The following RASAL2 variants were observed in gnomAD, a reference collection of about 807,000 sequenced individuals.
RASAL2 encodes ras GTPase-activating protein nGAP.
Under a neutral mutation model 128.9 loss-of-function variants are expected in RASAL2, and 58 were observed. That is an observed-to-expected ratio of 0.45 (90% CI 0.36 to 0.56). The LOEUF (loss-of-function observed/expected upper bound fraction) is 0.56. RASAL2 is among the 20% of genes least tolerant of loss of function. The pLI is 0.00. For missense variants in RASAL2, 1,360 were observed against 1,601.6 expected (o/e 0.85, Z 2.57); for synonymous variants, 561 against 580.8 (o/e 0.97, Z 0.49).
intron 1 of RASAL2, among the ~76,000 whole-genome samples, chr1:178,141,597 C>T (rs575280021): frequency 6.6e-5 from 10 of 152,016 alleles, no homozygotes; most frequent in South Asian, 6.2e-4. Flanking sequence ...GGTTGGCCGT[C>T]GACTGCTCCA....
intron 3 of RASAL2, among the ~76,000 whole-genome samples, chr1:178,356,082 C>T (rs1386943855): frequency 2.0e-5 from 3 of 150,276 alleles, no homozygotes; most frequent in South Asian, 2.1e-4. Flanking sequence ...GGCAGAGAAT[C>T]GCTTGAACCC....
intron 1 of RASAL2, among the ~76,000 whole-genome samples, chr1:178,272,624 T>C (rs1476596781): frequency 6.6e-6 from 1 of 152,158 alleles, no homozygotes; most frequent in East Asian, 1.9e-4. Flanking sequence ...TATTTTCTTT[T>C]CTCAATTAAA....
At chr1:178,237,301 C>T (rs1402536518) in intron 1 of RASAL2, among the ~76,000 whole-genome samples, 3 of 151,928 alleles carry the variant, frequency 2.0e-5, no homozygotes, top group Non-Finnish European at 2.9e-5. Flanking sequence ...TTGAGAGCAT[C>T]GCTTCAAGCA....
chr1:178,319,849 C>T (rs1368813162), intron 3 of RASAL2, among the ~76,000 whole-genome samples: 3 of 152,222 alleles, frequency 2.0e-5, no homozygotes, highest in Admixed American at 6.5e-5. Context: ...AACTGCGTTC[C>T]TTTGGAGGAG....
intron 1 of RASAL2, among the ~76,000 whole-genome samples, chr1:178,199,912 G>A (rs918338051): frequency 1.3e-5 from 2 of 152,300 alleles, no homozygotes; most frequent in Non-Finnish European, 1.5e-5. Flanking sequence ...AAAACAGGCA[G>A]AAGATCGTGG....
chr1:178,387,424 G>A (rs1359847107), intron 3 of RASAL2, among the ~76,000 whole-genome samples: 1 of 151,780 alleles, frequency 6.6e-6, no homozygotes, highest in Non-Finnish European at 1.5e-5. Context: ...TGCACCATGT[G>A]CAGGTTTGTT....
chr1:178,247,968 TGAG>T lies in RASAL2; in HGVS notation c.203-35592_203-35590del, dbSNP rs776547744. On this transcript the variant is annotated intron_variant, in intron 1 of 17. Coordinates refer to ENST00000367649, the MANE Select transcript of RASAL2 (RefSeq NM_170692.4). ...ATGATTTCCATTCTTTTGCATTTAC[TGAG>T]GAGTGTTTTACTTCCAATTATGTGG... Among the ~76,000 whole-genome samples the T allele has an allele frequency of 6.6e-5, 10 of 152,332 alleles. No homozygotes were observed. The East Asian group carries it at 1.9e-3, about 29-fold the overall frequency.
chr1:178,196,317 A>G (rs1225440144), intron 1 of RASAL2, among the ~76,000 whole-genome samples: 1 of 152,214 alleles, frequency 6.6e-6, no homozygotes, highest in Non-Finnish European at 1.5e-5. Flanking sequence ...GGAAAAGTCA[A>G]GGTACAAAGT....
intron 3 of RASAL2, among the ~76,000 whole-genome samples, chr1:178,301,575 G>A (rs1490446281): frequency 6.6e-6 from 1 of 151,940 alleles, no homozygotes; most frequent in Admixed American, 6.6e-5. Flanking sequence ...TGGGATTACA[G>A]GCATGCACCA....
At position 178,299,988 on chromosome 1, in the gene RASAL2, C is replaced by G; in HGVS notation, c.331-4C>G. ...AGTTTTATCTTTTGCTTTTGATTAA[C>G]TAGATACCTGTGGAAGGGGGACAGG... On this transcript the variant is annotated splice_region_variant and splice_polypyrimidine_tract_variant and intron_variant, in intron 2 of 17. Transcript: ENST00000367649. 1 of 1,612,334 alleles carries G rather than the reference C, an allele frequency of 6.2e-7. No homozygotes were observed. Among genetic ancestry groups the G allele is most frequent in the Non-Finnish European group, 8.5e-7 (1 of 1,179,522 alleles).
At position 178,094,559 on chromosome 1, in the gene RASAL2, C is replaced by T. The variant is rs1658598880; in HGVS notation, c.67C>T (p.Leu23=). Residue 23 remains leucine, a synonymous_variant, in exon 1 of 18, where the codon CTG becomes TTG. Coordinates refer to ENST00000367649, the MANE Select transcript of RASAL2 (RefSeq NM_170692.4). ...GTCCTGGCCGGAGATGTTCCCGGCG[C>T]TGGAGTCCGACTCGCCGCTGCCCCC... is the stretch of plus-strand genomic sequence containing the variant. ...ALSWPEMFPA[L]ESDSPLPPED... is the part of the protein sequence containing the mutation. The T allele has an allele frequency of 6.3e-7, 1 of 1,595,602 alleles. No individual in the cohort carries two copies. Among genetic ancestry groups the T allele is most frequent in the African/African-American group, 1.3e-5 (1 of 74,468 alleles).
chr1:178,144,808 T>C (rs1395936439), intron 1 of RASAL2, among the ~76,000 whole-genome samples: 1 of 152,204 alleles, frequency 6.6e-6, no homozygotes, highest in Non-Finnish European at 1.5e-5. Flanking sequence ...TTCTAGGAGA[T>C]TTGCCCATGG....
chr1:178,266,660 C>A (rs1017306597), intron 1 of RASAL2, among the ~76,000 whole-genome samples: 1 of 152,140 alleles, frequency 6.6e-6, no homozygotes, highest in East Asian at 1.9e-4. Flanking sequence ...AGGGAGGGGG[C>A]CTCCAAAGCT....
intron 1 of RASAL2, among the ~76,000 whole-genome samples, chr1:178,208,613 C>T (rs1663143820): frequency 6.6e-6 from 1 of 152,138 alleles, no homozygotes; most frequent in African/African-American, 2.4e-5. Context: ...TGCTTTTGCC[C>T]TTTGACCTGT....
At chr1:178,335,683 T>C (rs1669551846) in intron 3 of RASAL2, among the ~76,000 whole-genome samples, 1 of 152,170 alleles carries the variant, frequency 6.6e-6, no homozygotes, top group African/African-American at 2.4e-5. Context: ...CCTCTCAGAT[T>C]CTGAGTGATA....
rs138707274 is a variant in RASAL2 at position 178,310,740 on chromosome 1, G to A, written c.457+10622G>A. On this transcript the variant is annotated intron_variant, in intron 3 of 17. Coordinates refer to ENST00000367649, the MANE Select transcript of RASAL2 (RefSeq NM_170692.4). Reference sequence around the variant, plus strand: ...CTTCTGTGAAGGTGGCTCCAAGGCAGTGCTGCCACTTATGGTTGCTCAAAC... The same window carrying A: ...CTTCTGTGAAGGTGGCTCCAAGGCAATGCTGCCACTTATGGTTGCTCAAAC... 3.9e-5 allele frequency among the ~76,000 whole-genome samples: 6 copies of A among 152,290 alleles called. No individual in the cohort carries two copies. The East Asian group carries it at 1.2e-3, about 29-fold the overall frequency.
At chr1:178,270,425 C>T (rs1041492279) in intron 1 of RASAL2, among the ~76,000 whole-genome samples, 6 of 151,796 alleles carry the variant, frequency 4.0e-5, no homozygotes, top group African/African-American at 9.7e-5. Flanking sequence ...TATATTACTG[C>T]ATTTTTTTCA....
intron 1 of RASAL2, among the ~76,000 whole-genome samples, chr1:178,279,865 T>C (rs1666700734): frequency 6.6e-6 from 1 of 152,128 alleles, no homozygotes; most frequent in South Asian, 2.1e-4. Flanking sequence ...ATCAAAACTT[T>C]TCTGAAGATT....
chr1:178,456,483 G>T (rs114619334), intron 12 of RASAL2: 2 of 596,774 alleles, frequency 3.4e-6, no homozygotes, highest in Admixed American at 2.9e-5. Flanking sequence ...TCCTGATTTC[G>T]ATTTCCTTTC....
Sources: gnomAD v4.1 joint callset for allele counts (sites outside exome capture counted in the v4.1 genomes callset) on GRCh38, gnomAD v4.1.1 for gene constraint, MANE v1.5 for transcripts, NCBI Gene and HGNC (gene_info 2026-07-23, HGNC 2026-07-21) for gene names.